Variants in FHIT observed in about 807,000 individuals in gnomAD.
FHIT encodes the protein fragile histidine triad diadenosine triphosphatase.
A neutral mutation model predicts 17.9 loss-of-function variants in FHIT; 19 were observed. The ratio of observed to expected loss-of-function variants is 1.06; its 90% CI spans 0.74 to 1.56. The LOEUF (loss-of-function observed/expected upper bound fraction) is 1.56, where lower values mean the gene tolerates loss of function less well. Among genes scored for constraint, FHIT ranks in the 40% most tolerant of loss-of-function variants. FHIT has a pLI of 0.00. For synonymous variants in FHIT, 81 were observed against 69.7 expected (o/e 1.16, Z -0.81); for missense variants, 248 against 189.2 (o/e 1.31, Z -1.82).
chr3:59,773,232 G>A (rs1374253530), intron 8 of FHIT, among the ~76,000 whole-genome samples: 3 of 152,156 alleles, frequency 2.0e-5, no homozygotes, highest in African/African-American at 4.8e-5. Flanking sequence ...TTCAAGCCCT[G>A]CCTGCCCAGA....
chr3:59,942,045 C>T (rs758742259), intron 7 of FHIT, among the ~76,000 whole-genome samples: 1 of 152,190 alleles, frequency 6.6e-6, no homozygotes, highest in Non-Finnish European at 1.5e-5. Flanking sequence ...AATCATCTCA[C>T]GATCTATAGT....
At chr3:61,238,710 A>C (rs980131474) in intron 1 of FHIT, among the ~76,000 whole-genome samples, 6 of 152,202 alleles carry the variant, frequency 3.9e-5, no homozygotes, top group African/African-American at 1.4e-4. Flanking sequence ...AGCTTCTTTC[A>C]AGCTCTTTTT....
At chr3:60,459,811 A>G (rs903227369) in intron 5 of FHIT, among the ~76,000 whole-genome samples, 4 of 152,214 alleles carry the variant, frequency 2.6e-5, no homozygotes, top group African/African-American at 9.6e-5. Flanking sequence ...AAGTTAAAAA[A>G]CAAGAAAACA....
chr3:61,242,128 T>C (rs1037583780), intron 1 of FHIT, among the ~76,000 whole-genome samples: 4 of 152,122 alleles, frequency 2.6e-5, no homozygotes, highest in Admixed American at 2.0e-4. Context: ...ATATAAATAC[T>C]CAAATATAAC....
At position 60,284,104 on chromosome 3, in the gene FHIT, TAAG is replaced by T. The variant is rs1050818141; in HGVS notation, c.103+252753_103+252755del. On this transcript the variant is annotated intron_variant, in intron 5 of 9. Transcript: ENST00000492590. ...GATAGGTTTAGTAGAAAATATTCAA[TAAG>T]AAGGAAGAAGAACAGTATATATTAC... Among the ~76,000 whole-genome samples, 16 of 152,112 alleles carry T rather than the reference TAAG, an allele frequency of 1.1e-4. No homozygotes were observed. In the East Asian group the frequency reaches 2.5e-3, roughly 24 times the overall value.
chr3:60,707,867 T>C (rs927848574), intron 4 of FHIT, among the ~76,000 whole-genome samples: 1 of 152,244 alleles, frequency 6.6e-6, no homozygotes, highest in Non-Finnish European at 1.5e-5. Context: ...GTTTTTATCT[T>C]CCTGACATTA....
chr3:60,319,527 A>G (rs978605330), intron 5 of FHIT, among the ~76,000 whole-genome samples: 6 of 152,120 alleles, frequency 3.9e-5, no homozygotes, highest in African/African-American at 1.4e-4. Context: ...GTAAAAGGGC[A>G]GAGACATTGA....
chr3:60,026,337 T>C (rs891883563), intron 5 of FHIT, among the ~76,000 whole-genome samples: 2 of 151,180 alleles, frequency 1.3e-5, no homozygotes, highest in South Asian at 2.1e-4. Context: ...AAATAGTCAA[T>C]GGAAATGAAA....
intron 7 of FHIT, among the ~76,000 whole-genome samples, chr3:59,966,139 A>C (rs1478193957): frequency 6.6e-6 from 1 of 152,212 alleles, no homozygotes; most frequent in Non-Finnish European, 1.5e-5. Flanking sequence ...ATTACAGCAG[A>C]GGTATTCTAA....
rs1700668539 is a variant in FHIT, at chr3:59,747,414, T to C, written c.*2171A>G. On this transcript the variant is annotated 3_prime_UTR_variant, in exon 10 of 10. Transcript: ENST00000492590. ...TCCTTTATAAAACCATCACTATCAA[T>C]CATGAGAACAGCATGGGAAAGACCC... is the stretch of plus-strand genomic sequence containing the variant. 6.6e-6 allele frequency among the ~76,000 whole-genome samples: 1 copy of C among 152,018 alleles called. No individual in the cohort carries two copies. Among genetic ancestry groups the C allele is most frequent in the Admixed American group, 6.5e-5 (1 of 15,268 alleles).
At chr3:59,868,548 A>G (rs993576426) in intron 8 of FHIT, among the ~76,000 whole-genome samples, 21 of 152,310 alleles carry the variant, frequency 1.4e-4, no homozygotes, top group African/African-American at 5.1e-4. Flanking sequence ...TTCCTTGAGT[A>G]CCACGTGGTT....
chr3:61,093,125 A>C (rs756756911), intron 2 of FHIT, among the ~76,000 whole-genome samples: 6 of 152,222 alleles, frequency 3.9e-5, no homozygotes, highest in Non-Finnish European at 5.9e-5. Context: ...CTCATCTGTA[A>C]ATGAAGTAAA....
chr3:60,649,260 C>T (rs1248959625), intron 4 of FHIT, among the ~76,000 whole-genome samples: 2 of 152,008 alleles, frequency 1.3e-5, no homozygotes, highest in African/African-American at 4.8e-5. Flanking sequence ...ATTAGCCGGG[C>T]GTGGTGGCGG....
At chr3:60,524,884 T>C (rs1454982729) in intron 5 of FHIT, among the ~76,000 whole-genome samples, 1 of 152,194 alleles carries the variant, frequency 6.6e-6, no homozygotes, top group African/African-American at 2.4e-5. Context: ...AAAGACCCCT[T>C]TCCTAATAAG....
intron 5 of FHIT, among the ~76,000 whole-genome samples, chr3:60,222,077 G>T (rs1042334111): frequency 6.6e-6 from 1 of 152,128 alleles, no homozygotes; most frequent in Non-Finnish European, 1.5e-5. Context: ...ATTGGGCATG[G>T]ACAAACGAAC....
intron 4 of FHIT, among the ~76,000 whole-genome samples, chr3:60,569,552 T>C (rs2107658601): frequency 6.6e-6 from 1 of 151,726 alleles, no homozygotes; most frequent in East Asian, 2.0e-4. Flanking sequence ...CAGGACGATA[T>C]AGTAGAGGAG....
chr3:60,603,164 G>A (rs916822546), intron 4 of FHIT, among the ~76,000 whole-genome samples: 6 of 152,090 alleles, frequency 3.9e-5, no homozygotes, highest in Admixed American at 6.6e-5. Context: ...TAAAATTGGT[G>A]TAGTTAAAAA....
intron 5 of FHIT, among the ~76,000 whole-genome samples, chr3:60,051,326 C>CT (rs773498624): frequency 0.087 from 11,516 of 131,778 alleles, 666 homozygotes; most frequent in Admixed American, 0.12. Context: ...ATTTAGGATG[C>CT]TTTTTTTTTT....
At chr3:60,910,597 A>G (rs1041208747) in intron 3 of FHIT, among the ~76,000 whole-genome samples, 3 of 151,994 alleles carry the variant, frequency 2.0e-5, no homozygotes, top group Non-Finnish European at 4.4e-5. Flanking sequence ...ATTTTTTAGC[A>G]GAGACGGGGT....
Sources: allele counts gnomAD v4.1 joint callset (sites outside exome capture counted in the v4.1 genomes callset), GRCh38; gene constraint gnomAD v4.1.1; transcripts MANE v1.5; gene names NCBI Gene and HGNC (gene_info 2026-07-23, HGNC 2026-07-21).